ACOT8: variants seen among roughly 807,000 people sequenced by gnomAD.
The protein encoded by ACOT8 is acyl-CoA thioesterase 8, also known as acyl-coenzyme A thioesterase 8.
ACOT8 carries 31 observed loss-of-function variants against 38.4 expected under a neutral mutation model. The observed-to-expected ratio is 0.81, with a 90% CI of 0.61 to 1.09. The LOEUF (loss-of-function observed/expected upper bound fraction) is 1.09, where lower values mean the gene tolerates loss of function less well. Among genes scored for constraint, ACOT8 ranks in the 50% least tolerant of loss-of-function variants. The pLI, the probability that ACOT8 is intolerant of heterozygous loss-of-function variation, is 0.00. For missense variants in ACOT8, 373 were observed against 421.8 expected, an observed-to-expected ratio of 0.88 and a Z score of 1.01; for synonymous variants, 158 against 170.3, an observed-to-expected ratio of 0.93 and a Z score of 0.56.
chr20:45,852,060 G>A (rs1414982146), intron 2 of ACOT8, among the ~76,000 whole-genome samples: 2 of 152,038 alleles, frequency 1.3e-5, no homozygotes, highest in African/African-American at 4.8e-5. Flanking sequence ...CGCAGTTTTA[G>A]CTCACTGCGA....
chr20:45,843,167 C>T (rs531779681), intron 5 of ACOT8: 172 of 594,248 alleles, frequency 2.9e-4, no homozygotes, highest in Non-Finnish European at 4.1e-4. Context: ...TGATGGACTG[C>T]GGGTTTGGAT....
At chr20:45,845,143 C>T (rs143358342) in intron 3 of ACOT8, among the ~76,000 whole-genome samples, 2 of 152,064 alleles carry the variant, frequency 1.3e-5, no homozygotes, top group Non-Finnish European at 2.9e-5. Flanking sequence ...GGCTTGAGTG[C>T]GGTGGTGCAA....
At chr20:45,844,213 TG>T (rs780531069) in intron 4 of ACOT8, 49 bp downstream of exon 4, 24 of 1,611,526 alleles carry the variant, frequency 1.5e-5, no homozygotes, top group Non-Finnish European at 8.5e-6. Context: ...AGCAAATGAG[TG>T]GTAGACCCCT....
chr20:45,849,603 G>A (rs1224046903), intron 2 of ACOT8, among the ~76,000 whole-genome samples: 1 of 151,912 alleles, frequency 6.6e-6, no homozygotes, highest in Non-Finnish European at 1.5e-5. Flanking sequence ...GGCGTGCGCC[G>A]CTACACCCAA....
chr20:45,856,174 G>T (rs1985411052), intron 1 of ACOT8, among the ~76,000 whole-genome samples: 1 of 152,210 alleles, frequency 6.6e-6, no homozygotes, highest in Non-Finnish European at 1.5e-5. Flanking sequence ...TGAGGCAGAA[G>T]GGTCACTTGG....
chr20:45,847,347 A>G (rs909059115), intron 3 of ACOT8, among the ~76,000 whole-genome samples: 4 of 151,912 alleles, frequency 2.6e-5, no homozygotes, highest in Admixed American at 6.6e-5. Flanking sequence ...GGCCTGGGGG[A>G]GAGAGGGAAT....
Position 45,842,251 on chromosome 20 carries a change from C to T in ACOT8, c.842-295G>A, listed in dbSNP as rs757987316. Reference sequence around the variant, plus strand: ...GCCCCTTCATGAGCTTATTATGGACCGTCATTGAGGGGTAACTCCTCCCAC... The same window carrying T: ...GCCCCTTCATGAGCTTATTATGGACTGTCATTGAGGGGTAACTCCTCCCAC... On this transcript the variant is annotated intron_variant, in intron 5 of 5. Transcript: ENST00000217455. 41 of 1,435,338 alleles carry T rather than the reference C, an allele frequency of 2.9e-5. No individual in the cohort carries two copies. In the African/African-American group the frequency reaches 3.3e-4, roughly 12 times the overall value. The allele number at this position is 1,435,338 out of a possible 1,614,324, so 88.9% of individuals were successfully genotyped here.
At chr20:45,842,888 C>T in intron 5 of ACOT8, 2 of 997,822 alleles carry the variant, frequency 2.0e-6, no homozygotes, top group South Asian at 8.8e-5. Flanking sequence ...TCAAGCAAAG[C>T]TTTTCTTCAT....
chr20:45,844,347 T>A lies in ACOT8; in HGVS notation c.562A>T (p.Lys188Ter), dbSNP rs2145759894. The change falls in exon 4 of 6, where the codon AAG becomes TAG. Residue 188 changes from lysine (K) to a stop codon, truncating the protein, a stop_gained. Transcript: ENST00000217455. LOFTEE classifies it high-confidence loss of function. ...CTCAGGGGGGATGGGTTTACTGGCT[T>A]GATCTCAATGGGGACCTCCTGAGCA... ...IAAQEVPIEIKPVNPSPLSQL... is the reference protein window; with the variant it reads ...IAAQEVPIEI 1.9e-6 allele frequency: 3 copies of A among 1,614,180 alleles called. No homozygotes were observed. The East Asian group carries it at 6.7e-5, about 36-fold the overall frequency.
At chr20:45,844,032 G>T in intron 4 of ACOT8, 1 of 786,942 alleles carries the variant, frequency 1.3e-6, no homozygotes, top group Non-Finnish European at 2.1e-6. Flanking sequence ...CAACCCCAGC[G>T]AGGTGCCTTT....
chr20:45,843,414 AGGAAGTGACCTGTGCAGC>A (rs1434111583), intron 5 of ACOT8, 95 bp downstream of exon 5: 4 of 1,372,908 alleles, frequency 2.9e-6, no homozygotes, highest in Non-Finnish European at 4.0e-6. Flanking sequence ...AGGGAAGGAA[AGGAAGTGACCTGTGCAGC>A]GCCACACAGG....
chr20:45,848,724 A>G (rs370051307), intron 2 of ACOT8, 49 bp from the exon 3 acceptor site: 10 of 1,451,276 alleles, frequency 6.9e-6, no homozygotes, highest in East Asian at 2.3e-5. Context: ...TGTCATCATC[A>G]CAACGCCTGA....
At chr20:45,850,153 CAGG>C (rs1351013544) in intron 2 of ACOT8, among the ~76,000 whole-genome samples, 2 of 152,084 alleles carry the variant, frequency 1.3e-5, no homozygotes. Flanking sequence ...GAGGCTATGG[CAGG>C]AGAACTGCTT....
Position 45,843,658 on chromosome 20 carries a change from C to A in ACOT8, c.710G>T (p.Gly237Val), listed in dbSNP as rs1984440289. ...CCACTGGTGAGGCAGCAGTGCAGTG[C>A]CCAAGAAGGCATAGTCGGAGATATA... ...AAYISDYAFLGTALLPHQWQH... is the reference protein window; with the variant it reads ...AAYISDYAFLVTALLPHQWQH... The change falls in exon 5 of 6, where the codon GGC becomes GTC. Residue 237 changes from glycine to valine, a missense_variant. Physicochemically the swap from Gly to Val is moderately radical, Grantham distance 109. Transcript: ENST00000217455. 1 of 1,613,122 alleles carries A rather than the reference C, an allele frequency of 6.2e-7. No homozygotes were observed. Among genetic ancestry groups the A allele is most frequent in the African/African-American group, 1.3e-5 (1 of 74,912 alleles).
chr20:45,855,162 C>T lies in ACOT8; in HGVS notation c.259G>A (p.Ala87Thr), dbSNP rs780255715. Residue 87 changes from alanine (A) to threonine (T), a missense_variant, in exon 2 of 6, where the codon GCA becomes ACA. By Grantham distance (58) the Ala-to-Thr change is moderately conservative (BLOSUM62 0). Coordinates refer to ENST00000217455, the MANE Select transcript of ACOT8 (RefSeq NM_005469.4). ...VHSLHCYFVR[A>T]GDPKLPVLYQ... ...GGGCAGGAAGTGGGGGGTTTACCTGCCCGAACAAAGTAGCAGTGCAGGGAG... is the reference window on the plus strand; with the variant it reads ...GGGCAGGAAGTGGGGGGTTTACCTGTCCGAACAAAGTAGCAGTGCAGGGAG... The T allele has an allele frequency of 1.9e-6, 3 of 1,613,654 alleles. No homozygotes were observed. The highest frequency in any genetic ancestry group is 2.7e-5 in the African/African-American group (2 of 74,914).
intron 3 of ACOT8, 94 bp downstream of exon 3, chr20:45,848,356 A>T: frequency 9.1e-7 from 1 of 1,097,100 alleles, no homozygotes; most frequent in East Asian, 2.4e-5. Flanking sequence ...TATTTTAAAA[A>T]TGCTGGTCAA....
At chr20:45,854,889 A>G (rs906844675) in intron 2 of ACOT8, among the ~76,000 whole-genome samples, 1 of 152,210 alleles carries the variant, frequency 6.6e-6, no homozygotes. Context: ...TGGAAGAACA[A>G]AAGCCCACAA....
At chr20:45,843,148 A>C in intron 5 of ACOT8, 1 of 747,150 alleles carries the variant, frequency 1.3e-6, no homozygotes, top group Non-Finnish European at 1.9e-6. Flanking sequence ...GCATCCCCAA[A>C]TGGCAGTCTG....
At position 45,841,923 on chromosome 20, in the gene ACOT8, C is replaced by G. The variant is rs761728365; in HGVS notation, c.875G>C (p.Trp292Ser). 3 of 1,613,210 alleles carry G rather than the reference C, an allele frequency of 1.9e-6. No individual in the cohort carries two copies. In the East Asian group the frequency reaches 6.7e-5, roughly 36 times the overall value. Reference sequence around the variant, plus strand: ...CACAGCTAGGACTCCATCCTGACGCCACAGCCGCCCATGGACCAGCCCCCG... The same window carrying G: ...CACAGCTAGGACTCCATCCTGACGCGACAGCCGCCCATGGACCAGCCCCCG... ...GSRGLVHGRLWRQDGVLAVTC... is the reference protein window; with the variant it reads ...GSRGLVHGRLSRQDGVLAVTC... Residue 292 changes from tryptophan to serine, a missense_variant, in exon 6 of 6, where the codon TGG becomes TCG. Coordinates refer to ENST00000217455, the MANE Select transcript of ACOT8 (RefSeq NM_005469.4).
Sources: gnomAD v4.1 joint callset for allele counts (sites outside exome capture counted in the v4.1 genomes callset) on GRCh38, gnomAD v4.1.1 for gene constraint, MANE v1.5 for transcripts, NCBI Gene and HGNC (gene_info 2026-07-23, HGNC 2026-07-21) for gene names.